Variants in PPARGC1A observed in about 807,000 individuals in gnomAD.
PPARGC1A encodes PPARG coactivator 1 alpha.
PPARGC1A carries 25 observed loss-of-function variants against 88.7 expected under a neutral mutation model. The observed-to-expected ratio is 0.28, with a 90% confidence interval of 0.21 to 0.39. The LOEUF (loss-of-function observed/expected upper bound fraction) is 0.39, where lower values mean the gene tolerates loss of function less well. Among genes scored for constraint, PPARGC1A ranks in the 10% least tolerant of loss-of-function variants. The pLI is 1.00. For missense variants in PPARGC1A, 880 were observed against 968.7 expected (o/e 0.91, Z 1.22); for synonymous variants, 363 against 355.6 (o/e 1.02, Z -0.24).
chr4:24,157,632 A>T, the PPARGC1A span, among the ~76,000 whole-genome samples: 3 of 152,058 alleles, frequency 2.0e-5, no homozygotes, highest in Non-Finnish European at 4.4e-5. Context: ...ATGCCCATCC[A>T]TCCTGTTGTT....
chr4:24,295,578 G>A, the PPARGC1A span, among the ~76,000 whole-genome samples: 1 of 151,670 alleles, frequency 6.6e-6, no homozygotes, highest in East Asian at 1.9e-4. Context: ...AGATTAACAG[G>A]GTAGCTGCTA....
At chr4:24,290,543 A>G in the PPARGC1A span, among the ~76,000 whole-genome samples, 2 of 152,114 alleles carry the variant, frequency 1.3e-5, no homozygotes, top group Non-Finnish European at 2.9e-5. Flanking sequence ...AAATAATCCA[A>G]ATAAAGTGCT....
the PPARGC1A span, among the ~76,000 whole-genome samples, chr4:24,029,799 C>T: frequency 4.0e-5 from 6 of 149,626 alleles, no homozygotes; most frequent in South Asian, 6.4e-4. Context: ...AAATATAATA[C>T]GATACATCAC....
At chr4:24,150,918 CCT>C in the PPARGC1A span, among the ~76,000 whole-genome samples, 1 of 152,182 alleles carries the variant, frequency 6.6e-6, no homozygotes, top group Non-Finnish European at 1.5e-5. Context: ...GATACCCTCT[CCT>C]CTCTATTTCC....
At chr4:24,017,718 T>C in the PPARGC1A span, among the ~76,000 whole-genome samples, 2 of 152,180 alleles carry the variant, frequency 1.3e-5, no homozygotes, top group African/African-American at 2.4e-5. Flanking sequence ...CAGCATACTT[T>C]ATGATGTTCA....
intron 10 of PPARGC1A, among the ~76,000 whole-genome samples, chr4:23,805,793 G>A (rs1191372546): frequency 6.6e-6 from 1 of 152,058 alleles, no homozygotes. Context: ...AGGGGGAAGT[G>A]CAGAAGTGAG....
At chr4:23,877,001 T>C (rs1024525978) in intron 2 of PPARGC1A, among the ~76,000 whole-genome samples, 3 of 152,130 alleles carry the variant, frequency 2.0e-5, no homozygotes, top group Non-Finnish European at 4.4e-5. Flanking sequence ...CTCCATCATT[T>C]TGGAAAAGAA....
the PPARGC1A span, among the ~76,000 whole-genome samples, chr4:24,414,381 A>C: frequency 4.6e-5 from 7 of 152,166 alleles, no homozygotes; most frequent in Non-Finnish European, 8.8e-5. Context: ...GAGCAGTAGC[A>C]GTAGAAAATT....
At chr4:24,187,417 C>G in the PPARGC1A span, among the ~76,000 whole-genome samples, 3 of 152,200 alleles carry the variant, frequency 2.0e-5, no homozygotes, top group African/African-American at 7.2e-5. Flanking sequence ...TCACTCTTAA[C>G]CACCATGTTA....
chr4:23,853,164 C>A (rs979578037), intron 2 of PPARGC1A, among the ~76,000 whole-genome samples: 1 of 151,858 alleles, frequency 6.6e-6, no homozygotes, highest in African/African-American at 2.4e-5. Context: ...AAAATACAAT[C>A]AAAATTTTTA....
chr4:23,814,358 C>T lies in PPARGC1A; in HGVS notation c.1125G>A (p.Arg375=). The part of the protein sequence containing the change: ...TGGHEERKTK[R]PSLRLFGDHD... The stretch of plus-strand genomic sequence containing the variant: ...GGTCACCAAACAGCCGCAGACTGGG[C>T]CGCTTGGTCTTCCTTTCCTCGTGTC... Residue 375 remains arginine (R), a synonymous_variant, in exon 8 of 13, where the codon CGG becomes CGA. Coordinates refer to ENST00000264867, the MANE Select transcript of PPARGC1A (RefSeq NM_013261.5). 1 of 1,613,892 alleles carries T rather than the reference C, an allele frequency of 6.2e-7. No individual in the cohort carries two copies. The highest frequency in any genetic ancestry group is 8.5e-7 in the Non-Finnish European group (1 of 1,179,990).
the PPARGC1A span, among the ~76,000 whole-genome samples, chr4:24,450,531 C>T: frequency 6.6e-6 from 1 of 152,142 alleles, no homozygotes; most frequent in Non-Finnish European, 1.5e-5. Context: ...ATATAGAATT[C>T]TTACACAAAG....
the PPARGC1A span, among the ~76,000 whole-genome samples, chr4:24,162,165 G>T: frequency 3.0e-4 from 45 of 152,276 alleles, no homozygotes; most frequent in African/African-American, 1.1e-3. Context: ...GTTAAGCTAT[G>T]AGGATGCAAA....
At chr4:24,342,578 G>C in the PPARGC1A span, among the ~76,000 whole-genome samples, 1 of 152,136 alleles carries the variant, frequency 6.6e-6, no homozygotes, top group Non-Finnish European at 1.5e-5. Flanking sequence ...TAAGGAAGTC[G>C]TTCATATTAT....
chr4:24,033,440 C>T, the PPARGC1A span, among the ~76,000 whole-genome samples: 3 of 151,098 alleles, frequency 2.0e-5, no homozygotes, highest in East Asian at 1.9e-4. Context: ...CACGCATCCA[C>T]GTACAAATTA....
At chr4:23,942,755 G>T in the PPARGC1A span, among the ~76,000 whole-genome samples, 5 of 152,258 alleles carry the variant, frequency 3.3e-5, no homozygotes, top group East Asian at 9.7e-4. Context: ...CCTCAGTAAA[G>T]ATCTGTTCTG....
the PPARGC1A span, among the ~76,000 whole-genome samples, chr4:24,048,048 G>GT: frequency 6.6e-6 from 1 of 152,162 alleles, no homozygotes; most frequent in Non-Finnish European, 1.5e-5. Flanking sequence ...CAAAATGAAT[G>GT]TCACTCATGT....
At chr4:23,966,973 G>A in the PPARGC1A span, among the ~76,000 whole-genome samples, 2 of 152,164 alleles carry the variant, frequency 1.3e-5, no homozygotes, top group African/African-American at 4.8e-5. Flanking sequence ...GTGAGTACAG[G>A]AAGAAATCTC....
the PPARGC1A span, among the ~76,000 whole-genome samples, chr4:24,202,243 T>G: frequency 6.6e-6 from 1 of 152,166 alleles, no homozygotes; most frequent in South Asian, 2.1e-4. Flanking sequence ...TCACTGCAAT[T>G]TTTAAATAAT....
Sources: allele counts gnomAD v4.1 joint callset (sites outside exome capture counted in the v4.1 genomes callset), GRCh38; gene constraint gnomAD v4.1.1; transcripts MANE v1.5; gene names NCBI Gene and HGNC (gene_info 2026-07-23, HGNC 2026-07-21).